The following BMAL2 variants were observed in gnomAD, a reference collection of about 807,000 sequenced individuals.
BMAL2 encodes basic helix-loop-helix ARNT like 2, also known as basic helix-loop-helix ARNT-like protein 2.
the BMAL2 span, among the ~76,000 whole-genome samples, chr12:27,342,193 C>T: frequency 3.3e-5 from 5 of 152,174 alleles, no homozygotes; most frequent in Non-Finnish European, 5.9e-5. Context: ...CCACCTTGGC[C>T]TCCCAAAGTA....
chr12:27,389,052 G>A, the BMAL2 span: 6 of 739,620 alleles, frequency 8.1e-6, no homozygotes, highest in Non-Finnish European at 1.2e-5. Context: ...GTCACACAGT[G>A]TCGTGGACAT....
chr12:27,402,476 C>T, the BMAL2 span: 2 of 613,192 alleles, frequency 3.3e-6, no homozygotes, highest in Non-Finnish European at 5.5e-6. Context: ...ACCTTGATTT[C>T]TGGTGGTGAT....
the BMAL2 span, chr12:27,389,851 T>G: frequency 2.9e-6 from 1 of 346,168 alleles, no homozygotes; most frequent in East Asian, 4.7e-5. Flanking sequence ...AACTTTGTTC[T>G]TCCCCATTTG....
At chr12:27,387,793 C>T in the BMAL2 span, among the ~76,000 whole-genome samples, 1 of 152,186 alleles carries the variant, frequency 6.6e-6, no homozygotes, top group Non-Finnish European at 1.5e-5. Context: ...CTCCTTATTA[C>T]TGAACACCAT....
chr12:27,389,182 A>G, the BMAL2 span: 3 of 1,592,948 alleles, frequency 1.9e-6, no homozygotes, highest in East Asian at 4.5e-5. Context: ...TGAATAGGCT[A>G]GTTTGACTGG....
At chr12:27,419,684 C>T in the BMAL2 span, among the ~76,000 whole-genome samples, 2 of 152,268 alleles carry the variant, frequency 1.3e-5, no homozygotes, top group South Asian at 4.1e-4. Flanking sequence ...AAGCAAAGGA[C>T]TTGAAGGAAT....
the BMAL2 span, among the ~76,000 whole-genome samples, chr12:27,362,848 CTG>C: frequency 6.6e-6 from 1 of 152,096 alleles, no homozygotes; most frequent in Non-Finnish European, 1.5e-5. Flanking sequence ...GGGTCTCACT[CTG>C]TCACCCAGGC....
the BMAL2 span, among the ~76,000 whole-genome samples, chr12:27,406,579 G>C: frequency 6.6e-6 from 1 of 152,142 alleles, no homozygotes; most frequent in Non-Finnish European, 1.5e-5. Flanking sequence ...TGCCTTACAA[G>C]AGCTCCTGAA....
the BMAL2 span, among the ~76,000 whole-genome samples, chr12:27,349,472 T>C: frequency 5.9e-5 from 9 of 152,192 alleles, no homozygotes; most frequent in African/African-American, 2.2e-4. Flanking sequence ...AAATCTGAAT[T>C]ACCTGGCATT....
the BMAL2 span, among the ~76,000 whole-genome samples, chr12:27,388,708 G>C: frequency 6.6e-6 from 1 of 152,074 alleles, no homozygotes; most frequent in Non-Finnish European, 1.5e-5. Context: ...TTTTGGGAGT[G>C]GTGGAATGGG....
chr12:27,338,416 CA>C, the BMAL2 span, among the ~76,000 whole-genome samples: 9 of 150,520 alleles, frequency 6.0e-5, no homozygotes, highest in Non-Finnish European at 1.2e-4. Flanking sequence ...AGAAGGCTTT[CA>C]GAGAAGGGGT....
chr12:27,377,397 C>T, the BMAL2 span: 1 of 152,336 alleles, frequency 6.6e-6, no homozygotes, highest in African/African-American at 2.4e-5. Context: ...CATTGACCTT[C>T]TCCACAGTGG....
At chr12:27,335,920 A>T in the BMAL2 span, among the ~76,000 whole-genome samples, 2 of 152,176 alleles carry the variant, frequency 1.3e-5, no homozygotes, top group Non-Finnish European at 2.9e-5. Context: ...GTAGGAGAAT[A>T]CAGTGATTTC....
At chr12:27,346,149 A>G in the BMAL2 span, among the ~76,000 whole-genome samples, 1 of 152,114 alleles carries the variant, frequency 6.6e-6, no homozygotes, top group Non-Finnish European at 1.5e-5. Context: ...AACTCATACT[A>G]ATTTCCCTCC....
At chr12:27,385,525 CT>C in the BMAL2 span, 2 of 1,606,524 alleles carry the variant, frequency 1.2e-6, no homozygotes, top group Non-Finnish European at 1.7e-6. Context: ...ACCATCATTT[CT>C]TCAGGATAAT....
chr12:27,387,188 G>A, the BMAL2 span: 2 of 1,384,392 alleles, frequency 1.4e-6, no homozygotes, highest in South Asian at 2.3e-5. Context: ...ATAAGAGACA[G>A]ACAATATTTT....
At chr12:27,389,050 G>A in the BMAL2 span, 2 of 724,270 alleles carry the variant, frequency 2.8e-6, no homozygotes, top group African/African-American at 1.8e-5. Context: ...ATGTCACACA[G>A]TGTCGTGGAC....
At chr12:27,418,142 G>A in the BMAL2 span, 1 of 1,613,346 alleles carries the variant, frequency 6.2e-7, no homozygotes, top group Non-Finnish European at 8.5e-7. Flanking sequence ...GGAGCTAGAG[G>A]CTACCAGGCA....
the BMAL2 span, chr12:27,333,095 C>T: frequency 4.1e-6 from 5 of 1,205,526 alleles, no homozygotes; most frequent in Non-Finnish European, 5.2e-6. Context: ...GAGGAGGCTG[C>T]GGCGGGAGGT....
Sources: allele counts gnomAD v4.1 joint callset (sites outside exome capture counted in the v4.1 genomes callset), GRCh38; gene constraint gnomAD v4.1.1; transcripts MANE v1.5; gene names NCBI Gene and HGNC (gene_info 2026-07-23, HGNC 2026-07-21).